Variants in SYNCRIP observed in about 807,000 individuals in gnomAD.
SYNCRIP encodes the protein heterogeneous nuclear ribonucleoprotein Q.
A neutral mutation model predicts 68.9 loss-of-function variants in SYNCRIP; 9 were observed. The ratio of observed to expected loss-of-function variants is 0.13; its 90% CI spans 0.08 to 0.23. The LOEUF is 0.23. Ranked by LOEUF, SYNCRIP falls within the 10% of genes least tolerant of loss-of-function variation. The pLI is 1.00. For missense variants in SYNCRIP, 414 were observed against 770.6 expected (o/e 0.54, Z 5.48); for synonymous variants, 258 against 254.0 (o/e 1.02, Z -0.15).
intron 5 of SYNCRIP, 24 bp downstream of exon 5, chr6:85,637,219 G>T (rs747846396): frequency 6.2e-7 from 1 of 1,609,226 alleles, no homozygotes; most frequent in South Asian, 1.1e-5. Flanking sequence ...TACTACAAAA[G>T]GTACAAGTTT....
In SYNCRIP at chr6:85,615,031, T is replaced by C; in HGVS notation, c.1597A>G (p.Arg533Gly). 3 of 1,614,040 alleles carry C rather than the reference T, an allele frequency of 1.9e-6. No homozygotes were observed. Among genetic ancestry groups the C allele is most frequent in the Non-Finnish European group, 2.5e-6 (3 of 1,179,986 alleles). Reference protein sequence around the residue: ...YSQRGGPGSARGVRGARGGAQ... With the variant: ...YSQRGGPGSAGGVRGARGGAQ... ...CCTCCTCTCGCACCTCGAACGCCTC[T>C]TGCTGATCCAGGACCTCCTCTCTGT... Residue 533 changes from arginine to glycine, a missense_variant, in exon 11 of 11, where the codon AGA becomes GGA. Around this residue, in one of 6 missense-constraint regions of SYNCRIP, gnomAD observed 130 missense variants for 149.0 expected, o/e 0.87. Transcript: ENST00000369622.
At chr6:85,637,784 C>T (rs540013385) in intron 4 of SYNCRIP, among the ~76,000 whole-genome samples, 97 of 152,306 alleles carry the variant, frequency 6.4e-4, no homozygotes, top group Non-Finnish European at 1.1e-3. Flanking sequence ...TACTGCCATT[C>T]TGGGCATTGT....
chr6:85,610,121 G>A (rs1242965714), downstream of SYNCRIP: 2 of 151,800 alleles, frequency 1.3e-5, no homozygotes, highest in East Asian at 1.9e-4. Flanking sequence ...TCCTTGATCT[G>A]ATAAGACTTT....
Position 85,623,167 on chromosome 6 carries a change from T to C in SYNCRIP, c.803-480A>G, listed in dbSNP as rs546898927. 1.6e-4 allele frequency among the ~76,000 whole-genome samples: 24 copies of C among 152,346 alleles called. No homozygotes were observed. The South Asian group carries it at 5.0e-3, about 32-fold the overall frequency. On this transcript the variant is annotated intron_variant, in intron 7 of 10. Coordinates refer to ENST00000369622, the MANE Select transcript of SYNCRIP (RefSeq NM_006372.5). ...TGAAAGTTGATAACAGGCTGATAAT[T>C]TGTTAGACACTGTTGGCAGACCAAA...
rs778195518 is a variant in SYNCRIP at position 85,622,736 on chromosome 6, A to C, written c.803-49T>G. ...GAAAATTAGATGAAATAACTAGCAA[A>C]TACAAGTGGATCAAAGGATTTATCT... is the stretch of plus-strand genomic sequence containing the variant. On this transcript the variant is annotated intron_variant, in intron 7 of 10. Transcript: ENST00000369622. 5 of 1,419,278 alleles carry C rather than the reference A, an allele frequency of 3.5e-6. No homozygotes were observed. In the East Asian group the frequency reaches 1.1e-4, roughly 32 times the overall value. 87.9% of individuals were successfully genotyped at this position (1,419,278 alleles called of 1,614,324 possible).
In SYNCRIP at chr6:85,618,906, C is replaced by T; in HGVS notation, c.1192G>A (p.Gly398Arg). 1 of 1,612,422 alleles carries T rather than the reference C, an allele frequency of 6.2e-7. No homozygotes were observed. Among genetic ancestry groups the T allele is most frequent in the Non-Finnish European group, 8.5e-7 (1 of 1,179,288 alleles). Residue 398 changes from glycine to arginine, a missense_variant, in exon 10 of 11, where the codon GGA becomes AGA. By Grantham distance (125) the Gly-to-Arg change is moderately radical. This residue lies in a region of SYNCRIP where 51 missense variants were observed against 151.1 expected (regional missense o/e 0.34). Transcript: ENST00000369622. ...MEEMNGKDLEGENIEIVFAKP... is the reference protein window; with the variant it reads ...MEEMNGKDLERENIEIVFAKP... ...GCAAAAACAATTTCAATATTTTCTCCCTCCAAGTCTTTGCCATTCATTTCT... is the reference window on the plus strand; with the variant it reads ...GCAAAAACAATTTCAATATTTTCTCTCTCCAAGTCTTTGCCATTCATTTCT...
At chr6:85,623,434 C>A (rs1350383295) in intron 7 of SYNCRIP, among the ~76,000 whole-genome samples, 1 of 151,276 alleles carries the variant, frequency 6.6e-6, no homozygotes, top group African/African-American at 2.4e-5. Flanking sequence ...TGTGGTGGTG[C>A]GCGCCTGTAA....
At chr6:85,621,195 TTCTC>T (rs1806342325) in intron 8 of SYNCRIP, among the ~76,000 whole-genome samples, 1 of 152,250 alleles carries the variant, frequency 6.6e-6, no homozygotes, top group African/African-American at 2.4e-5. Flanking sequence ...CTATTTTCTC[TTCTC>T]TAAGACCACT....
rs1393780938 is a variant in SYNCRIP at position 85,641,680 on chromosome 6, AAC to A, written c.-12-231_-12-230del. Among the ~76,000 whole-genome samples, 17 of 152,238 alleles carry A rather than the reference AAC, an allele frequency of 1.1e-4. 1 individual carries two copies. In the South Asian group the frequency reaches 2.7e-3, roughly 24 times the overall value. On this transcript the variant is annotated intron_variant, in intron 1 of 10. Coordinates refer to ENST00000369622, the MANE Select transcript of SYNCRIP (RefSeq NM_006372.5). ...CAGCACCACCCCTGACTCACCTGCT[AAC>A]ACTCCCTAGGAAAAACCATATTACA...
At chr6:85,617,183 G>A (rs1405824508) in intron 10 of SYNCRIP, among the ~76,000 whole-genome samples, 1 of 148,374 alleles carries the variant, frequency 6.7e-6, no homozygotes, top group Non-Finnish European at 1.5e-5. Context: ...AGGAATACGT[G>A]CTTAGTTAAA....
chr6:85,612,957 A>C (rs1007786527), downstream of SYNCRIP: 4 of 1,548,488 alleles, frequency 2.6e-6, no homozygotes, highest in Non-Finnish European at 3.5e-6. Context: ...AGTTAGATAA[A>C]TCATCTTAAA....
downstream of SYNCRIP, chr6:85,609,867 T>G (rs978419251): frequency 1.3e-5 from 2 of 151,912 alleles, no homozygotes; most frequent in Admixed American, 6.6e-5. Flanking sequence ...ATATACAAAA[T>G]TTCTTTTAAC....
In SYNCRIP at chr6:85,637,916, C is replaced by T. The variant is rs544644469; in HGVS notation, c.376-560G>A. ...CCATATTTCATGGGATAGCATGGGT[C>T]CTTCAGAAAAAAGTAACAGCCAAAA... On this transcript the variant is annotated intron_variant, in intron 4 of 10. Transcript: ENST00000369622. 2.6e-4 allele frequency among the ~76,000 whole-genome samples: 40 copies of T among 152,220 alleles called. No individual in the cohort carries two copies. In the South Asian group the frequency reaches 5.8e-3, roughly 22 times the overall value.
Position 85,615,005 on chromosome 6 carries a change from A to G in SYNCRIP, c.1623T>C (p.Gly541=). The G allele has an allele frequency of 1.2e-6, 2 of 1,613,146 alleles. No homozygotes were observed. Among genetic ancestry groups the G allele is most frequent in the South Asian group, 1.1e-5 (1 of 91,002 alleles). The change falls in exon 11 of 11, where the codon GGT becomes GGC. Residue 541 remains glycine, a synonymous_variant. Coordinates refer to ENST00000369622, the MANE Select transcript of SYNCRIP (RefSeq NM_006372.5). ...CCCCGCGGCCTCTTTGTTGTTGGGC[A>G]CCTCCTCTCGCACCTCGAACGCCTC... is the stretch of plus-strand genomic sequence containing the variant. The part of the protein sequence containing the change: ...SARGVRGARG[G]AQQQRGRGVR...
chr6:85,641,557 CCTA>C, intron 1 of SYNCRIP, 106 bp from the exon 2 acceptor site: 1 of 1,105,570 alleles, frequency 9.0e-7, no homozygotes. Context: ...CACCAGCTAG[CCTA>C]TACCTCCCTT....
At chr6:85,612,968 TTAATAATGTG>T, downstream of SYNCRIP, 1 of 1,544,780 alleles carries the variant, frequency 6.5e-7, no homozygotes, top group Non-Finnish European at 8.8e-7. Context: ...TCATCTTAAA[TTAATAATGTG>T]TACATACATA....
chr6:85,633,208 A>G (rs760105758), intron 6 of SYNCRIP, among the ~76,000 whole-genome samples: 4 of 152,024 alleles, frequency 2.6e-5, no homozygotes, highest in Admixed American at 1.3e-4. Context: ...GTGAGCCGAG[A>G]TTGCACCACT....
At chr6:85,611,670 A>G (rs1194396827), downstream of SYNCRIP, 1 of 152,336 alleles carries the variant, frequency 6.6e-6, no homozygotes, top group Non-Finnish European at 1.5e-5. Context: ...CACTGTCATC[A>G]AGGTGCTTTA....
intron 6 of SYNCRIP, among the ~76,000 whole-genome samples, chr6:85,630,317 T>C (rs1210420108): frequency 6.6e-6 from 1 of 152,166 alleles, no homozygotes; most frequent in East Asian, 1.9e-4. Flanking sequence ...GCCGAGATCG[T>C]GCCACTGCAC....
Sources: gnomAD v4.1 joint callset for allele counts (sites outside exome capture counted in the v4.1 genomes callset) on GRCh38, gnomAD v4.1.1 for gene constraint, gnomAD v4.1.1 regional missense constraint, MANE v1.5 for transcripts, NCBI Gene and HGNC (gene_info 2026-07-23, HGNC 2026-07-21) for gene names.